Variants in CSMD1 observed in about 807,000 individuals in gnomAD.
CSMD1 encodes the protein CUB and sushi domain-containing protein 1.
In CSMD1, 213 loss-of-function variants were observed where a neutral mutation model predicts 417.5. The observed-to-expected ratio is 0.51, with a 90% CI of 0.46 to 0.57. CSMD1 has a LOEUF of 0.57. CSMD1 is among the 20% of genes least tolerant of loss of function. The probability of loss-of-function intolerance (pLI) is 0.00; values close to 1 mark genes in which losing one functional copy is unlikely to be tolerated. For missense variants in CSMD1, 6,923 were observed against 4,529.7 expected, an observed-to-expected ratio of 1.53 and a Z score of -15.17; for synonymous variants, 2,862 against 1,736.8, an observed-to-expected ratio of 1.65 and a Z score of -16.11.
chr8:4,053,225 G>A (rs977363278), intron 3 of CSMD1, among the ~76,000 whole-genome samples: 1 of 152,190 alleles, frequency 6.6e-6, no homozygotes, highest in African/African-American at 2.4e-5. Flanking sequence ...ACTAACAACA[G>A]CACCGTGTGT....
intron 1 of CSMD1, among the ~76,000 whole-genome samples, chr8:4,698,965 G>T (rs112408274): frequency 6.6e-6 from 1 of 150,498 alleles, no homozygotes; most frequent in East Asian, 2.0e-4. Flanking sequence ...GAACGAACAC[G>T]TCAGGATTAT....
chr8:3,190,546 G>A (rs895239748), intron 33 of CSMD1, among the ~76,000 whole-genome samples: 1 of 152,104 alleles, frequency 6.6e-6, no homozygotes, highest in African/African-American at 2.4e-5. Flanking sequence ...AATGAGAAAA[G>A]CTACCATATG....
intron 4 of CSMD1, among the ~76,000 whole-genome samples, chr8:4,016,389 C>G (rs56899440): frequency 2.0e-5 from 3 of 151,964 alleles, no homozygotes; most frequent in Non-Finnish European, 4.4e-5. Flanking sequence ...CCGAGATGAT[C>G]GAGCCAGTGG....
intron 3 of CSMD1, among the ~76,000 whole-genome samples, chr8:4,032,547 G>C (rs1002535019): frequency 2.0e-5 from 3 of 152,086 alleles, no homozygotes; most frequent in African/African-American, 4.8e-5. Flanking sequence ...TTCCACGACT[G>C]GTACAGTGTC....
intron 26 of CSMD1, among the ~76,000 whole-genome samples, chr8:3,232,743 G>A (rs910499832): frequency 6.6e-6 from 1 of 152,014 alleles, no homozygotes; most frequent in Non-Finnish European, 1.5e-5. Context: ...GACCATCTTA[G>A]CTTGTGTTTT....
chr8:3,191,684 T>G (rs1796433989), intron 33 of CSMD1, among the ~76,000 whole-genome samples: 1 of 152,182 alleles, frequency 6.6e-6, no homozygotes, highest in African/African-American at 2.4e-5. Flanking sequence ...AATTACCATC[T>G]ACAGGAGATA....
intron 1 of CSMD1, among the ~76,000 whole-genome samples, chr8:4,891,785 T>G (rs12542055): frequency 6.6e-6 from 1 of 151,968 alleles, no homozygotes; most frequent in Non-Finnish European, 1.5e-5. Context: ...AGCAATTATT[T>G]AGCAACCCAT....
intron 5 of CSMD1, among the ~76,000 whole-genome samples, chr8:3,927,950 T>C (rs1040464293): frequency 1.3e-5 from 2 of 152,178 alleles, no homozygotes; most frequent in Non-Finnish European, 2.9e-5. Flanking sequence ...TATCTGTTAA[T>C]TTCTTAAGTT....
chr8:3,096,952 C>A lies in CSMD1; in HGVS notation c.7035G>T (p.Gln2345His), dbSNP rs936184886. 3.2e-6 allele frequency: 5 copies of A among 1,555,368 alleles called. No homozygotes were observed. The highest frequency in any genetic ancestry group is 2.7e-5 in the African/African-American group (2 of 73,412). The change falls in exon 47 of 70, where the codon CAG becomes CAT. Residue 2345 changes from glutamine (Q) to histidine (H), a missense_variant. Coordinates refer to ENST00000635120, the MANE Select transcript of CSMD1 (RefSeq NM_033225.6). ...CCACTTTAATACTCCAAGAGCAAGTCTGGGAGTTAAAATAATTACCCGGAT... is the reference window on the plus strand; with the variant it reads ...CCACTTTAATACTCCAAGAGCAAGTATGGGAGTTAAAATAATTACCCGGAT... ...PGYPGNYFNS[Q>H]TCSWSIKVEP...
rs529197695 is a variant in CSMD1, at chr8:3,040,176, G to T, written c.7661-10663C>A. Among the ~76,000 whole-genome samples the T allele has an allele frequency of 3.3e-5, 5 of 152,144 alleles. No homozygotes were observed. In the South Asian group the frequency reaches 1.0e-3, roughly 32 times the overall value. On this transcript the variant is annotated intron_variant, in intron 50 of 69. Transcript: ENST00000635120. ...AGATGGAAAGATTGAAAGAAGGAAC[G>T]AACATCCAAACTTTATGTTCTGTTT...
chr8:4,856,298 C>A (rs1801795097), intron 1 of CSMD1, among the ~76,000 whole-genome samples: 2 of 144,818 alleles, frequency 1.4e-5, no homozygotes, highest in Non-Finnish European at 3.0e-5. Flanking sequence ...ACGGTACCAG[C>A]TGCTGCAAAA....
intron 1 of CSMD1, among the ~76,000 whole-genome samples, chr8:4,892,687 AGTC>A (rs1804202294): frequency 6.6e-6 from 1 of 152,016 alleles, no homozygotes; most frequent in African/African-American, 2.4e-5. Flanking sequence ...GCATTCATAT[AGTC>A]TTTTTGTACA....
chr8:4,507,125 T>G (rs1472336218), intron 2 of CSMD1, among the ~76,000 whole-genome samples: 1 of 152,208 alleles, frequency 6.6e-6, no homozygotes, highest in Admixed American at 6.5e-5. Flanking sequence ...ATACATTTCA[T>G]AAGATTAAAC....
intron 7 of CSMD1, among the ~76,000 whole-genome samples, chr8:3,676,534 A>G (rs1799382730): frequency 6.6e-6 from 1 of 152,230 alleles, no homozygotes; most frequent in Non-Finnish European, 1.5e-5. Flanking sequence ...GATCTTAAAT[A>G]TATCCGAATG....
chr8:4,443,278 C>G (rs1332786165), intron 2 of CSMD1, among the ~76,000 whole-genome samples: 1 of 152,126 alleles, frequency 6.6e-6, no homozygotes, highest in African/African-American at 2.4e-5. Flanking sequence ...TCAATCTTCG[C>G]CTAAGTTTTG....
intron 4 of CSMD1, among the ~76,000 whole-genome samples, chr8:4,023,134 T>A (rs1417962020): frequency 1.3e-5 from 2 of 152,160 alleles, no homozygotes; most frequent in African/African-American, 4.8e-5. Context: ...CACTCTAATG[T>A]GTGGAGGAAC....
Position 3,621,987 on chromosome 8 carries a change from G to T in CSMD1, c.1010-5190C>A, listed in dbSNP as rs887874083. On this transcript the variant is annotated intron_variant, in intron 7 of 69. Coordinates refer to ENST00000635120, the MANE Select transcript of CSMD1 (RefSeq NM_033225.6). ...TGTCTCTCTCTCTCTTTGTGTGTGT[G>T]TGTATGTGTGTGTGTGTGTGTGTGT... Among the ~76,000 whole-genome samples the T allele has an allele frequency of 5.0e-5, 6 of 120,734 alleles. No homozygotes were observed. The South Asian group carries it at 1.8e-3, about 35-fold the overall frequency. The allele number at this position is 120,734 out of a possible 152,430, so 79.2% of individuals were successfully genotyped here. A position where few individuals can be genotyped will look rare whatever the true frequency, so the allele number is the denominator to read the frequency against.
chr8:4,448,887 A>T (rs931332719), intron 2 of CSMD1, among the ~76,000 whole-genome samples: 1 of 152,194 alleles, frequency 6.6e-6, no homozygotes, highest in Non-Finnish European at 1.5e-5. Context: ...CACCAAGTAA[A>T]CACACACATG....
chr8:2,972,059 T>C (rs1413226393), intron 57 of CSMD1, among the ~76,000 whole-genome samples: 1 of 152,046 alleles, frequency 6.6e-6, no homozygotes, highest in African/African-American at 2.4e-5. Flanking sequence ...AATATATAAA[T>C]ATGCAAATAT....
Sources: gnomAD v4.1 joint callset for allele counts (sites outside exome capture counted in the v4.1 genomes callset) on GRCh38, gnomAD v4.1.1 for gene constraint, MANE v1.5 for transcripts, NCBI Gene and HGNC (gene_info 2026-07-23, HGNC 2026-07-21) for gene names.